MCC: variants seen among roughly 807,000 people sequenced by gnomAD.
MCC encodes the protein MCC regulator of Wnt signaling pathway, also known as colorectal mutant cancer protein.
A neutral mutation model predicts 116.2 loss-of-function variants in MCC; 90 were observed. That is an observed-to-expected ratio of 0.77 (90% confidence interval 0.65 to 0.92). MCC has a LOEUF of 0.92. Ranked by LOEUF, MCC falls within the 40% of genes least tolerant of loss-of-function variation. The pLI, the probability that MCC is intolerant of heterozygous loss-of-function variation, is 0.00. For synonymous variants in MCC, 578 were observed against 510.5 expected (o/e 1.13, Z -1.78); for missense variants, 1,516 against 1,312.2 (o/e 1.16, Z -2.40).
chr5:113,287,475 C>T (rs148634092), intron 3 of MCC, among the ~76,000 whole-genome samples: 80 of 152,138 alleles, frequency 5.3e-4, no homozygotes, highest in Non-Finnish European at 4.4e-5. Context: ...TACAAGTGCC[C>T]GCCACCATGC....
intron 1 of MCC, among the ~76,000 whole-genome samples, chr5:113,462,233 C>A (rs1388394558): frequency 6.6e-6 from 1 of 152,236 alleles, no homozygotes; most frequent in Non-Finnish European, 1.5e-5. Context: ...CTAACCCAGC[C>A]ATTCACCCAC....
chr5:113,287,900 C>G (rs1379572473), intron 3 of MCC, among the ~76,000 whole-genome samples: 1 of 152,206 alleles, frequency 6.6e-6, no homozygotes, highest in Non-Finnish European at 1.5e-5. Context: ...AAAAGCTTCC[C>G]AATTGGTCAA....
intron 3 of MCC, among the ~76,000 whole-genome samples, chr5:113,272,394 G>C (rs1354178480): frequency 6.6e-6 from 1 of 152,204 alleles, no homozygotes; most frequent in Non-Finnish European, 1.5e-5. Flanking sequence ...GAGCCTGCAA[G>C]TATAATCAGG....
chr5:113,330,502 C>T lies in MCC; in HGVS notation c.627+10017G>A, dbSNP rs1361422667. On this transcript the variant is annotated intron_variant, in intron 3 of 18. Coordinates refer to ENST00000408903, the MANE Select transcript of MCC (RefSeq NM_001085377.2). ...CTCCTTTGCCTTTTCTTCAAAAACG[C>T]AAAAAGTCATTAAGATGTTAATGCT... Among the ~76,000 whole-genome samples, 7 of 152,034 alleles carry T rather than the reference C, an allele frequency of 4.6e-5. No homozygotes were observed. In the South Asian group the frequency reaches 1.2e-3, roughly 27 times the overall value.
At chr5:113,348,287 T>C (rs1311856658) in intron 2 of MCC, among the ~76,000 whole-genome samples, 1 of 152,080 alleles carries the variant, frequency 6.6e-6, no homozygotes, top group Non-Finnish European at 1.5e-5. Context: ...ACACAGATCA[T>C]TCTCAAGGAT....
Position 113,088,340 on chromosome 5 carries a change from G to C in MCC, c.1399-3030C>G, listed in dbSNP as rs540037924. Among the ~76,000 whole-genome samples the C allele has an allele frequency of 3.3e-5, 5 of 152,028 alleles. 1 individual carries two copies. The highest frequency in any genetic ancestry group is 1.2e-4 in the African/African-American group (5 of 41,474). On this transcript the variant is annotated intron_variant, in intron 8 of 18. Coordinates refer to ENST00000408903, the MANE Select transcript of MCC (RefSeq NM_001085377.2). ...CTGAGTCAGCTTAGGCATGGCTTCG[G>C]AAAGAGGCAGAAACATAGTTAATAG...
chr5:113,252,634 G>A (rs1561486836), intron 3 of MCC, among the ~76,000 whole-genome samples: 1 of 152,166 alleles, frequency 6.6e-6, no homozygotes, highest in Non-Finnish European at 1.5e-5. Flanking sequence ...CACAATAAAT[G>A]TAATGCACTT....
chr5:113,477,680 GA>G (rs1225623135), intron 1 of MCC, among the ~76,000 whole-genome samples: 1 of 152,170 alleles, frequency 6.6e-6, no homozygotes, highest in Non-Finnish European at 1.5e-5. Flanking sequence ...GAAGAGGAAG[GA>G]ATGCTTTAGA....
chr5:113,327,460 C>T lies in MCC; in HGVS notation c.627+13059G>A, dbSNP rs555357756. 3.7e-3 allele frequency among the ~76,000 whole-genome samples: 540 copies of T among 147,868 alleles called. 1 individual carries two copies. Among genetic ancestry groups the T allele is most frequent in the Admixed American group, 7.4e-3 (107 of 14,534 alleles). ...ACTCGGGAGGCTGAGGCAGAAGAATCGCTTGAACCCAGGAGGCAGAGGTTG... is the reference window on the plus strand; with the variant it reads ...ACTCGGGAGGCTGAGGCAGAAGAATTGCTTGAACCCAGGAGGCAGAGGTTG... On this transcript the variant is annotated intron_variant, in intron 3 of 18. Coordinates refer to ENST00000408903, the MANE Select transcript of MCC (RefSeq NM_001085377.2).
intron 2 of MCC, among the ~76,000 whole-genome samples, chr5:113,341,180 T>TTTCCTTCC (rs372162886): frequency 6.6e-6 from 1 of 151,964 alleles, no homozygotes; most frequent in African/African-American, 2.4e-5. Context: ...CCTTCCTTCC[T>TTTCCTTCC]TTCCTTCCTT....
At chr5:113,034,481 C>G (rs1751186620) in intron 17 of MCC, among the ~76,000 whole-genome samples, 1 of 151,718 alleles carries the variant, frequency 6.6e-6, no homozygotes, top group African/African-American at 2.4e-5. Context: ...AATTGAGGAG[C>G]TGCAGGAGTC....
intron 3 of MCC, among the ~76,000 whole-genome samples, chr5:113,296,567 G>A (rs1449652612): frequency 1.3e-5 from 2 of 152,178 alleles, no homozygotes; most frequent in South Asian, 4.1e-4. Flanking sequence ...TATGGATGGA[G>A]ACTGGAATGT....
At chr5:113,055,419 A>G (rs1479729954) in intron 14 of MCC, among the ~76,000 whole-genome samples, 1 of 152,170 alleles carries the variant, frequency 6.6e-6, no homozygotes, top group Non-Finnish European at 1.5e-5. Context: ...ACTCTTGTAC[A>G]TGACACATTG....
At position 113,043,608 on chromosome 5, in the gene MCC, G is replaced by A. The variant is rs1398994690; in HGVS notation, c.2678C>T (p.Pro893Leu). Reference sequence around the variant, plus strand: ...CCTGAGTTCGGCTAGGGACAGAGCTGGGGAGGCAGCATCAGCACACTCCTG... The same window carrying A: ...CCTGAGTTCGGCTAGGGACAGAGCTAGGGAGGCAGCATCAGCACACTCCTG... The part of the protein sequence containing the change: ...PGKECADAAS[P>L]ALSLAELRTT... Residue 893 changes from proline (P) to leucine (L), a missense_variant, in exon 17 of 19, where the codon CCA (proline) becomes CTA (leucine). By Grantham distance (98) the Pro-to-Leu change is moderately conservative (BLOSUM62 -3). Transcript: ENST00000408903. The A allele has an allele frequency of 1.9e-6, 3 of 1,613,914 alleles. No homozygotes were observed. Among genetic ancestry groups the A allele is most frequent in the Admixed American group, 1.7e-5 (1 of 60,022 alleles).
intron 5 of MCC, among the ~76,000 whole-genome samples, chr5:113,141,921 C>G (rs541723241): frequency 6.8e-4 from 104 of 152,288 alleles, no homozygotes; most frequent in African/African-American, 2.5e-3. Flanking sequence ...CACAAATTTG[C>G]CAGTGTCCTA....
At chr5:113,426,246 G>A (rs1770478809) in intron 1 of MCC, among the ~76,000 whole-genome samples, 1 of 152,192 alleles carries the variant, frequency 6.6e-6, no homozygotes, top group Admixed American at 6.5e-5. Flanking sequence ...ATCACGCTCA[G>A]GTTGAGGCTG....
chr5:113,300,548 A>G (rs893648688), intron 3 of MCC, among the ~76,000 whole-genome samples: 2 of 152,318 alleles, frequency 1.3e-5, no homozygotes, highest in Middle Eastern at 6.8e-3. Context: ...TTTCCTGAAG[A>G]AAGTGAATTT....
At chr5:113,330,269 TTCCTGAATCATTCTTTG>T (rs1767667709) in intron 3 of MCC, among the ~76,000 whole-genome samples, 1 of 152,240 alleles carries the variant, frequency 6.6e-6, no homozygotes, top group African/African-American at 2.4e-5. Context: ...AGCTGAGTGA[TTCCTGAATCATTCTTTG>T]CTCAGTTAAA....
intron 3 of MCC, among the ~76,000 whole-genome samples, chr5:113,247,017 C>A (rs7724917): frequency 6.6e-6 from 1 of 151,958 alleles, no homozygotes; most frequent in Non-Finnish European, 1.5e-5. Context: ...GTCCACTGTT[C>A]GGTCCATTTC....
Sources: allele counts gnomAD v4.1 joint callset (sites outside exome capture counted in the v4.1 genomes callset), GRCh38; gene constraint gnomAD v4.1.1; transcripts MANE v1.5; gene names NCBI Gene and HGNC (gene_info 2026-07-23, HGNC 2026-07-21).